Variants in ZNF385D observed in about 807,000 individuals in gnomAD.
ZNF385D encodes the protein zinc finger protein 659.
A neutral mutation model predicts 35.8 loss-of-function variants in ZNF385D; 15 were observed. That is an observed-to-expected ratio of 0.42 (90% CI 0.28 to 0.64). The LOEUF (loss-of-function observed/expected upper bound fraction) is 0.64. ZNF385D is among the 30% of genes least tolerant of loss of function. ZNF385D has a pLI of 0.23. For missense variants in ZNF385D, 474 were observed against 494.6 expected (o/e 0.96, Z 0.39); for synonymous variants, 212 against 186.8 (o/e 1.13, Z -1.10).
chr3:22,005,861 C>A (rs1011561249), intron 3 of ZNF385D, among the ~76,000 whole-genome samples: 3 of 152,008 alleles, frequency 2.0e-5, no homozygotes, highest in African/African-American at 7.2e-5. Flanking sequence ...CTTTAGAGTA[C>A]TTAAAAGGAA....
At chr3:21,618,586 C>G (rs1045160584) in intron 2 of ZNF385D, among the ~76,000 whole-genome samples, 1 of 151,978 alleles carries the variant, frequency 6.6e-6, no homozygotes, top group African/African-American at 2.4e-5. Context: ...TCTGTATATC[C>G]CAGTCATTAC....
At chr3:22,144,232 G>A (rs901574024) in intron 3 of ZNF385D, among the ~76,000 whole-genome samples, 7 of 152,156 alleles carry the variant, frequency 4.6e-5, no homozygotes, top group South Asian at 2.1e-4. Context: ...AACATTTACA[G>A]GACAAATATA....
chr3:22,358,237 G>A (rs914876426), intron 2 of ZNF385D, among the ~76,000 whole-genome samples: 11 of 151,884 alleles, frequency 7.2e-5, no homozygotes, highest in Admixed American at 2.0e-4. Context: ...GTGAGGAAAT[G>A]AAGACAAAGC....
At chr3:21,649,258 T>G (rs2065845001) in intron 2 of ZNF385D, among the ~76,000 whole-genome samples, 1 of 152,158 alleles carries the variant, frequency 6.6e-6, no homozygotes, top group East Asian at 1.9e-4. Context: ...ATATGCTACT[T>G]AGCTGTGGGT....
chr3:22,062,995 T>C (rs909711629), intron 3 of ZNF385D, among the ~76,000 whole-genome samples: 5 of 152,086 alleles, frequency 3.3e-5, no homozygotes, highest in South Asian at 2.1e-4. Context: ...AACAAGACAC[T>C]CTCAGCCTCA....
intron 2 of ZNF385D, among the ~76,000 whole-genome samples, chr3:21,589,886 A>G (rs1354737129): frequency 6.6e-6 from 1 of 152,160 alleles, no homozygotes; most frequent in Non-Finnish European, 1.5e-5. Flanking sequence ...ACTCTTATAC[A>G]TCTAGGTGGG....
intron 1 of ZNF385D, among the ~76,000 whole-genome samples, chr3:21,703,877 C>A (rs1196663615): frequency 6.6e-6 from 1 of 152,150 alleles, no homozygotes; most frequent in East Asian, 1.9e-4. Flanking sequence ...CCACTTTCTT[C>A]CCTACACCAT....
intron 3 of ZNF385D, among the ~76,000 whole-genome samples, chr3:22,146,176 A>C (rs1704841475): frequency 6.6e-6 from 1 of 152,242 alleles, no homozygotes; most frequent in Non-Finnish European, 1.5e-5. Context: ...CATCTGGTCT[A>C]CTAAAAAAGT....
At chr3:21,651,546 T>C (rs530083734) in intron 2 of ZNF385D, among the ~76,000 whole-genome samples, 25 of 152,068 alleles carry the variant, frequency 1.6e-4, no homozygotes, top group Middle Eastern at 3.4e-3. Context: ...TTTTTCTTTT[T>C]GGTAGTGACG....
At chr3:22,305,085 A>T (rs186988728) in intron 2 of ZNF385D, among the ~76,000 whole-genome samples, 4 of 152,020 alleles carry the variant, frequency 2.6e-5, no homozygotes, top group Admixed American at 6.5e-5. Context: ...TTTTAATCTC[A>T]GCTTTCGTCT....
intron 3 of ZNF385D, among the ~76,000 whole-genome samples, chr3:22,019,777 G>A (rs1697115974): frequency 6.6e-6 from 1 of 151,672 alleles, no homozygotes; most frequent in South Asian, 2.1e-4. Flanking sequence ...GCGGGAACTG[G>A]GGAAAAATAA....
At chr3:22,076,037 C>G (rs1251987162) in intron 3 of ZNF385D, among the ~76,000 whole-genome samples, 1 of 151,876 alleles carries the variant, frequency 6.6e-6, no homozygotes. Flanking sequence ...CCAGCTTTGT[C>G]TCCCCCATTA....
At position 21,667,350 on chromosome 3, in the gene ZNF385D, C is replaced by T. The variant is rs766939485; in HGVS notation, c.23-2322G>A. On this transcript the variant is annotated intron_variant, in intron 1 of 7. Transcript: ENST00000281523. ...CTAGTTTTTGTACTTTCAGTAGAGA[C>T]GGGTTTTTGCTATGTTGCCTAGGCT... 5.3e-5 allele frequency among the ~76,000 whole-genome samples: 8 copies of T among 152,050 alleles called. No homozygotes were observed. The South Asian group carries it at 8.3e-4, about 16-fold the overall frequency.
chr3:22,289,210 T>C (rs1181798035), intron 2 of ZNF385D, among the ~76,000 whole-genome samples: 3 of 152,076 alleles, frequency 2.0e-5, no homozygotes, highest in Non-Finnish European at 2.9e-5. Flanking sequence ...TGTAAATGGG[T>C]CCTCTGAATG....
chr3:22,000,826 A>G (rs1052163891), intron 3 of ZNF385D, among the ~76,000 whole-genome samples: 1 of 152,120 alleles, frequency 6.6e-6, no homozygotes, highest in African/African-American at 2.4e-5. Flanking sequence ...AAAATTAAAA[A>G]TGAGTCTTTC....
chr3:22,356,475 G>T (rs1264719758), intron 2 of ZNF385D, among the ~76,000 whole-genome samples: 1 of 151,872 alleles, frequency 6.6e-6, no homozygotes, highest in African/African-American at 2.4e-5. Flanking sequence ...GATAGAAGAG[G>T]CCAGACACAA....
In ZNF385D at chr3:22,112,788, A is replaced by G. The variant is rs553643508; in HGVS notation, c.325+56029T>C. 2.0e-5 allele frequency among the ~76,000 whole-genome samples: 3 copies of G among 152,192 alleles called. No homozygotes were observed. The South Asian group carries it at 6.2e-4, about 32-fold the overall frequency. On this transcript the variant is annotated intron_variant, in intron 3 of 5. Coordinates refer to the ZNF385D transcript ENST00000494108. ...TGGAATGTCAAGAAATACAAACTTCATTGTTTGTTAAGCCTGTTTTACTCA... is the reference window on the plus strand; with the variant it reads ...TGGAATGTCAAGAAATACAAACTTCGTTGTTTGTTAAGCCTGTTTTACTCA...
chr3:21,892,238 T>A (rs3900200), intron 3 of ZNF385D, among the ~76,000 whole-genome samples: 17,183 of 152,206 alleles, frequency 0.11, 1,506 homozygotes, highest in East Asian at 0.31. Context: ...GTGAAAGGGA[T>A]GTTTGCCTGA....
intron 2 of ZNF385D, among the ~76,000 whole-genome samples, chr3:22,323,066 C>T (rs529993786): frequency 1.5e-3 from 229 of 152,090 alleles, no homozygotes; most frequent in African/African-American, 4.8e-3. Flanking sequence ...ACAGGAAATG[C>T]GTAAAAGTCC....
Sources: allele counts gnomAD v4.1 joint callset (sites outside exome capture counted in the v4.1 genomes callset), GRCh38; gene constraint gnomAD v4.1.1; transcripts MANE v1.5; gene names NCBI Gene and HGNC (gene_info 2026-07-23, HGNC 2026-07-21).